Variants in GPC5 observed in about 807,000 individuals in gnomAD.
GPC5 encodes glypican 5.
A neutral mutation model predicts 53.9 loss-of-function variants in GPC5; 47 were observed. That is an observed-to-expected ratio of 0.87 (90% CI 0.69 to 1.11). The LOEUF (loss-of-function observed/expected upper bound fraction) is 1.11, where lower values mean the gene tolerates loss of function less well. Among genes scored for constraint, GPC5 ranks in the 50% most tolerant of loss-of-function variants. GPC5 has a pLI of 0.00. For synonymous variants in GPC5, 286 were observed against 263.3 expected (o/e 1.09, Z -0.84); for missense variants, 748 against 713.1 (o/e 1.05, Z -0.56).
intron 4 of GPC5, among the ~76,000 whole-genome samples, chr13:91,743,054 A>G (rs2036971084): frequency 6.6e-6 from 1 of 152,120 alleles, no homozygotes. Flanking sequence ...TCTCACTTAT[A>G]TGGCTGAAAA....
chr13:92,720,547 G>A (rs1049432918), intron 7 of GPC5, among the ~76,000 whole-genome samples: 17 of 151,656 alleles, frequency 1.1e-4, no homozygotes, highest in South Asian at 1.0e-3. Flanking sequence ...TTATAATCTC[G>A]GGATTTTGTT....
At chr13:92,098,332 G>T (rs1424747604) in intron 6 of GPC5, among the ~76,000 whole-genome samples, 2 of 151,982 alleles carry the variant, frequency 1.3e-5, no homozygotes, top group Non-Finnish European at 2.9e-5. Context: ...CCTGCAAAAT[G>T]CACGATCTTG....
rs77614922 is a variant in GPC5 at position 92,809,774 on chromosome 13, T to C, written c.1562-56508T>C. Among the ~76,000 whole-genome samples the C allele has an allele frequency of 6.7e-3, 1,017 of 152,258 alleles. 16 individuals are homozygous for C. The highest frequency in any genetic ancestry group is 0.023 in the African/African-American group (966 of 41,576). On this transcript the variant is annotated intron_variant, in intron 7 of 7. Coordinates refer to ENST00000377067, the MANE Select transcript of GPC5 (RefSeq NM_004466.6). Reference sequence around the variant, plus strand: ...GCAGGGGATTTAAGATTTTAAATCTTAAAATCATTTAGAAGTAAGTATACA... The same window carrying C: ...GCAGGGGATTTAAGATTTTAAATCTCAAAATCATTTAGAAGTAAGTATACA...
intron 7 of GPC5, among the ~76,000 whole-genome samples, chr13:92,643,305 T>C (rs1414393379): frequency 1.3e-5 from 2 of 152,230 alleles, no homozygotes; most frequent in Non-Finnish European, 2.9e-5. Flanking sequence ...TGCCCATGCC[T>C]ATGTCCTGAA....
At chr13:91,598,234 T>C (rs1016487168) in intron 2 of GPC5, among the ~76,000 whole-genome samples, 1 of 152,106 alleles carries the variant, frequency 6.6e-6, no homozygotes, top group Admixed American at 6.6e-5. Flanking sequence ...ATTCTGGTAA[T>C]AACTGGAAAA....
intron 7 of GPC5, among the ~76,000 whole-genome samples, chr13:92,363,881 T>C (rs182936738): frequency 1.0e-3 from 157 of 151,386 alleles, no homozygotes; most frequent in Non-Finnish European, 2.0e-3. Context: ...TAGTTGGATA[T>C]AAACAGATGT....
chr13:92,296,800 A>G (rs2043038579), intron 7 of GPC5, among the ~76,000 whole-genome samples: 1 of 152,200 alleles, frequency 6.6e-6, no homozygotes, highest in African/African-American at 2.4e-5. Context: ...TGAGGGACTT[A>G]GCACCCAGGC....
At chr13:92,513,610 G>T (rs1285646602) in intron 7 of GPC5, among the ~76,000 whole-genome samples, 1 of 149,880 alleles carries the variant, frequency 6.7e-6, no homozygotes, top group Non-Finnish European at 1.5e-5. Flanking sequence ...CAGGCTAAGA[G>T]AATTTCAATA....
intron 6 of GPC5, among the ~76,000 whole-genome samples, chr13:91,909,731 T>G (rs2039591589): frequency 6.6e-6 from 1 of 151,954 alleles, no homozygotes; most frequent in Non-Finnish European, 1.5e-5. Context: ...AAAAAACACA[T>G]TTACAGAGAA....
chr13:92,448,553 G>T (rs1008441532), intron 7 of GPC5: 6 of 151,944 alleles, frequency 3.9e-5, no homozygotes, highest in Non-Finnish European at 5.9e-5. Flanking sequence ...GAAATGCTCA[G>T]CAGTGTGGTA....
chr13:92,539,762 C>T (rs1175640189), intron 7 of GPC5, among the ~76,000 whole-genome samples: 2 of 151,812 alleles, frequency 1.3e-5, no homozygotes, highest in African/African-American at 4.8e-5. Context: ...TCTCTATATG[C>T]ACTTACTTCA....
At chr13:91,458,863 G>A (rs1303270535) in intron 2 of GPC5, among the ~76,000 whole-genome samples, 2 of 152,044 alleles carry the variant, frequency 1.3e-5, no homozygotes, top group Non-Finnish European at 2.9e-5. Context: ...TATATACCAT[G>A]GAATATGACT....
rs563910980 is a variant in GPC5 at position 91,597,561 on chromosome 13, G to T, written c.326-95626G>T. ...TTGGTTATGAGATTTTACTGCCTGC[G>T]CCAACACCTCCTTGAAATATAGACC... On this transcript the variant is annotated intron_variant, in intron 2 of 7. Coordinates refer to ENST00000377067, the MANE Select transcript of GPC5 (RefSeq NM_004466.6). 6.6e-5 allele frequency among the ~76,000 whole-genome samples: 10 copies of T among 152,100 alleles called. No homozygotes were observed. The East Asian group carries it at 1.9e-3, about 29-fold the overall frequency.
Position 91,819,854 on chromosome 13 carries a change from ACT to A in GPC5, c.1280+63438_1280+63439del, listed in dbSNP as rs1319400821. 2.0e-5 allele frequency among the ~76,000 whole-genome samples: 3 copies of A among 152,146 alleles called. No homozygotes were observed. In the East Asian group the frequency reaches 5.8e-4, roughly 29 times the overall value. Reference sequence around the variant, plus strand: ...TTTTGATATGGTTGTATCAATTTATACTCTCATGATATGAGATGACATCTCCA... The same window carrying A: ...TTTTGATATGGTTGTATCAATTTATACTCATGATATGAGATGACATCTCCA... On this transcript the variant is annotated intron_variant, in intron 5 of 7. Transcript: ENST00000377067.
intron 1 of GPC5, among the ~76,000 whole-genome samples, chr13:91,399,456 C>G (rs1876757273): frequency 6.6e-6 from 1 of 152,182 alleles, no homozygotes; most frequent in African/African-American, 2.4e-5. Context: ...CCGCCCGGCT[C>G]CCTTCGTCTT....
chr13:92,438,388 AT>A (rs1467109378), intron 7 of GPC5, among the ~76,000 whole-genome samples: 63 of 75,260 alleles, frequency 8.4e-4, no homozygotes, highest in Admixed American at 3.4e-3. Context: ...AAATAAATAT[AT>A]ATATATATAT....
rs111341136 is a variant in GPC5 at position 92,790,546 on chromosome 13, C to G, written c.1562-75736C>G. On this transcript the variant is annotated intron_variant, in intron 7 of 7. Transcript: ENST00000377067. Reference sequence around the variant, plus strand: ...AAAAAGAAAATTAAGTGTGCTTGTGCGAAGAATGTAACATATTTAGTGAGG... The same window carrying G: ...AAAAAGAAAATTAAGTGTGCTTGTGGGAAGAATGTAACATATTTAGTGAGG... Among the ~76,000 whole-genome samples the G allele has an allele frequency of 2.0e-5, 3 of 151,980 alleles. No individual in the cohort carries two copies. The East Asian group carries it at 5.8e-4, about 29-fold the overall frequency.
At chr13:92,388,377 C>G (rs945458895) in intron 7 of GPC5, among the ~76,000 whole-genome samples, 1 of 151,898 alleles carries the variant, frequency 6.6e-6, no homozygotes, top group Non-Finnish European at 1.5e-5. Context: ...AAGTTTATGA[C>G]ATTTAACTGG....
intron 6 of GPC5, among the ~76,000 whole-genome samples, chr13:92,123,269 G>A (rs2041665672): frequency 6.6e-6 from 1 of 151,938 alleles, no homozygotes; most frequent in Non-Finnish European, 1.5e-5. Flanking sequence ...ATTTGGTTTT[G>A]GTGGCGGGCA....
Sources: allele counts gnomAD v4.1 joint callset (sites outside exome capture counted in the v4.1 genomes callset), GRCh38; gene constraint gnomAD v4.1.1; transcripts MANE v1.5; gene names NCBI Gene and HGNC (gene_info 2026-07-23, HGNC 2026-07-21).